EXOSC4: variants seen among roughly 807,000 people sequenced by gnomAD.
EXOSC4 encodes the protein exosome component 4.
A neutral mutation model predicts 20.0 loss-of-function variants in EXOSC4; 14 were observed. That is an observed-to-expected ratio of 0.70 (90% CI 0.46 to 1.09). The LOEUF is 1.09. Among genes scored for constraint, EXOSC4 ranks in the 50% least tolerant of loss-of-function variants. EXOSC4 has a pLI of 0.00. For synonymous variants in EXOSC4, 148 were observed against 146.4 expected, an observed-to-expected ratio of 1.01 and a Z score of -0.08; for missense variants, 337 against 334.0, an observed-to-expected ratio of 1.01 and a Z score of -0.07.
upstream of EXOSC4, among the ~76,000 whole-genome samples, chr8:144,074,560 G>A (rs1460684251): frequency 2.0e-5 from 3 of 152,048 alleles, no homozygotes; most frequent in African/African-American, 7.2e-5. Context: ...GGGGCGGGGG[G>A]TGGTTCTGGG....
the EXOSC4 span, among the ~76,000 whole-genome samples, chr8:144,065,813 T>A: frequency 1.6e-5 from 2 of 123,824 alleles, no homozygotes; most frequent in Non-Finnish European, 3.1e-5. Context: ...TTTTATTTAC[T>A]TTTTTTTTTT....
At chr8:144,073,341 G>A in the EXOSC4 span, among the ~76,000 whole-genome samples, 4 of 151,824 alleles carry the variant, frequency 2.6e-5, no homozygotes, top group Non-Finnish European at 5.9e-5. Flanking sequence ...AGTCAAGATC[G>A]CACCACTGCA....
the EXOSC4 span, among the ~76,000 whole-genome samples, chr8:144,072,038 G>A: frequency 6.6e-6 from 1 of 152,188 alleles, no homozygotes; most frequent in Non-Finnish European, 1.5e-5. Flanking sequence ...GTGATACTGT[G>A]TTACATGCAC....
upstream of EXOSC4, among the ~76,000 whole-genome samples, chr8:144,075,450 T>G (rs1418021635): frequency 1.3e-5 from 2 of 152,092 alleles, no homozygotes; most frequent in Non-Finnish European, 2.9e-5. Context: ...ATGGTCTCGA[T>G]CTCCTGACCT....
rs782106744 is a variant in EXOSC4 at position 144,080,541 on chromosome 8, CCT to C, written c.681_682del (p.Leu228ArgfsTer10). On this transcript the variant is annotated frameshift_variant, in exon 3 of 3. Coordinates refer to ENST00000316052, the MANE Select transcript of EXOSC4 (RefSeq NM_019037.3). LOFTEE classifies it high-confidence loss of function. This position sits in a 1 kb window ranked among gnomAD's most constrained non-coding sequence, Gnocchi z 4.9. ...AAQAARDVHTLLDRVVRQHVR... is the reference protein window; with the variant it reads ...AAQAARDVHTXLDRVVRQHVR... The stretch of plus-strand genomic sequence containing the variant: ...CCCAGGCTGCCCGAGATGTGCACAC[CCT>C]CTTAGATCGAGTGGTCCGGCAGCAT... 6 of 1,601,738 alleles carry C rather than the reference CCT, an allele frequency of 3.7e-6. No homozygotes were observed. The highest frequency in any genetic ancestry group is 4.2e-6 in the Non-Finnish European group (5 of 1,179,972).
At chr8:144,073,953 G>A (rs892832829), upstream of EXOSC4, among the ~76,000 whole-genome samples, 3 of 152,148 alleles carry the variant, frequency 2.0e-5, no homozygotes, top group Non-Finnish European at 4.4e-5. Context: ...CAGCCCAACG[G>A]AATAGTGGCA....
the EXOSC4 span, among the ~76,000 whole-genome samples, chr8:144,066,906 G>A: frequency 6.6e-6 from 1 of 152,080 alleles, no homozygotes; most frequent in East Asian, 1.9e-4. Flanking sequence ...GGACCAACGT[G>A]AAGAAACCCC....
chr8:144,067,806 G>A, the EXOSC4 span, among the ~76,000 whole-genome samples: 1 of 152,200 alleles, frequency 6.6e-6, no homozygotes, highest in Admixed American at 6.5e-5. Flanking sequence ...TCAGGAGTTC[G>A]AGACCAGCCT....
chr8:144,073,469 C>T, the EXOSC4 span, among the ~76,000 whole-genome samples: 1 of 152,170 alleles, frequency 6.6e-6, no homozygotes, highest in African/African-American at 2.4e-5. Flanking sequence ...CTACTCTGAA[C>T]GCAACTTTGC....
the EXOSC4 span, among the ~76,000 whole-genome samples, chr8:144,065,175 A>G: frequency 6.6e-6 from 1 of 152,158 alleles, no homozygotes; most frequent in Non-Finnish European, 1.5e-5. Flanking sequence ...ACACTTCTGC[A>G]CAGTTACTTT....
intron 1 of EXOSC4, chr8:144,079,244 C>T (rs1328862060): frequency 1.2e-5 from 3 of 251,496 alleles, no homozygotes; most frequent in East Asian, 1.6e-4. Context: ...CTACAATAAA[C>T]CCTTTGTTTT....
chr8:144,069,246 G>C, the EXOSC4 span, among the ~76,000 whole-genome samples: 9 of 152,252 alleles, frequency 5.9e-5, no homozygotes, highest in African/African-American at 1.9e-4. Context: ...TGGGTGTGCT[G>C]GCTGTCTATT....
the EXOSC4 span, among the ~76,000 whole-genome samples, chr8:144,064,670 C>G: frequency 6.6e-6 from 1 of 152,198 alleles, no homozygotes; most frequent in Non-Finnish European, 1.5e-5. Context: ...GGCACCACAT[C>G]TGGGCCATAA....
chr8:144,077,641 G>C (rs1372557656), upstream of EXOSC4, among the ~76,000 whole-genome samples: 1 of 152,238 alleles, frequency 6.6e-6, no homozygotes, highest in African/African-American at 2.4e-5. Flanking sequence ...AGCCTGGGCA[G>C]ATCTGTCTGA....
the EXOSC4 span, among the ~76,000 whole-genome samples, chr8:144,065,027 A>G: frequency 6.6e-6 from 1 of 151,662 alleles, no homozygotes; most frequent in Non-Finnish European, 1.5e-5. Context: ...TATTTTTTTT[A>G]GTAGAGTCGG....
At position 144,078,848 on chromosome 8, in the gene EXOSC4, C is replaced by T. The variant is rs782778934; in HGVS notation, c.120C>T (p.Tyr40=). The part of the protein sequence containing the change: ...GVFAQADGSA[Y]IEQGNTKALA... ...TCGCGCAGGCTGACGGCTCGGCCTACATTGAGCAGGGCAACACCAAGGCAC... is the reference window on the plus strand; with the variant it reads ...TCGCGCAGGCTGACGGCTCGGCCTATATTGAGCAGGGCAACACCAAGGCAC... Residue 40 remains tyrosine, a synonymous_variant, in exon 1 of 3, where the codon TAC becomes TAT. Transcript: ENST00000316052. The surrounding 1 kb of genome is among the most constrained non-coding windows in gnomAD (Gnocchi z 4.7). 11 of 1,577,196 alleles carry T rather than the reference C, an allele frequency of 7.0e-6. No individual in the cohort carries two copies. The highest frequency in any genetic ancestry group is 1.8e-5 in the Admixed American group (1 of 55,634).
upstream of EXOSC4, chr8:144,078,505 G>T: frequency 2.4e-6 from 1 of 412,612 alleles, no homozygotes; most frequent in Non-Finnish European, 4.2e-6. The surrounding 1 kb of genome is among the most constrained non-coding windows in gnomAD (Gnocchi z 4.7). Context: ...GGGGAGGTCG[G>T]GGCCGCGGTG....
the EXOSC4 span, among the ~76,000 whole-genome samples, chr8:144,064,729 G>A: frequency 6.6e-6 from 1 of 152,182 alleles, no homozygotes; most frequent in Non-Finnish European, 1.5e-5. Flanking sequence ...CTGAGGACCA[G>A]GACCTAAAGA....
At chr8:144,065,129 GCCAC>G in the EXOSC4 span, among the ~76,000 whole-genome samples, 1 of 152,176 alleles carries the variant, frequency 6.6e-6, no homozygotes, top group Non-Finnish European at 1.5e-5. Flanking sequence ...ACAGGCGTGA[GCCAC>G]CGCGCCCAGC....
Sources: allele counts gnomAD v4.1 joint callset (sites outside exome capture counted in the v4.1 genomes callset), GRCh38; gene constraint gnomAD v4.1.1; non-coding constraint Gnocchi (gnomAD v3.1); transcripts MANE v1.5; gene names NCBI Gene and HGNC (gene_info 2026-07-23, HGNC 2026-07-21).